PLCB1: variants seen among roughly 807,000 people sequenced by gnomAD.
PLCB1 encodes the protein phospholipase C beta 1, also known as 1-phosphatidylinositol 4,5-bisphosphate phosphodiesterase beta-1.
In PLCB1, 46 loss-of-function variants were observed where a neutral mutation model predicts 161.8. The observed-to-expected ratio is 0.28, with a 90% CI of 0.22 to 0.36. The LOEUF (loss-of-function observed/expected upper bound fraction) is 0.36, where lower values mean the gene tolerates loss of function less well. Among genes scored for constraint, PLCB1 ranks in the 10% least tolerant of loss-of-function variants. The pLI, the probability that PLCB1 is intolerant of heterozygous loss-of-function variation, is 1.00. For missense variants in PLCB1, 1,016 were observed against 1,472.5 expected (o/e 0.69, Z 5.07); for synonymous variants, 517 against 503.7 (o/e 1.03, Z -0.35).
At chr20:8,339,968 AAAAT>A (rs771513527) in intron 2 of PLCB1, among the ~76,000 whole-genome samples, 12 of 152,306 alleles carry the variant, frequency 7.9e-5, no homozygotes, top group Non-Finnish European at 1.5e-4. Context: ...TCTCTTCACA[AAAAT>A]AAATAAACAA....
At chr20:8,206,559 C>A (rs1978542764) in intron 2 of PLCB1, among the ~76,000 whole-genome samples, 1 of 152,064 alleles carries the variant, frequency 6.6e-6, no homozygotes, top group Non-Finnish European at 1.5e-5. Context: ...CATTTTTGGA[C>A]CTGCATCTAG....
At chr20:8,406,621 T>C (rs1978797747) in intron 3 of PLCB1, among the ~76,000 whole-genome samples, 2 of 152,150 alleles carry the variant, frequency 1.3e-5, no homozygotes, top group African/African-American at 4.8e-5. Context: ...CAGCAAAAGG[T>C]CATTCCATCT....
intron 2 of PLCB1, among the ~76,000 whole-genome samples, chr20:8,349,143 CAGT>C (rs959518505): frequency 2.0e-5 from 3 of 151,976 alleles, no homozygotes; most frequent in African/African-American, 7.3e-5. Flanking sequence ...TCAATAGAAT[CAGT>C]GGTGCACAGA....
chr20:8,530,356 G>A (rs1984756083), intron 3 of PLCB1, among the ~76,000 whole-genome samples: 1 of 151,950 alleles, frequency 6.6e-6, no homozygotes, highest in Non-Finnish European at 1.5e-5. Context: ...TTCTTCTTAA[G>A]TCTTAACTAC....
At chr20:8,382,518 C>T (rs1987290259) in intron 3 of PLCB1, among the ~76,000 whole-genome samples, 2 of 148,948 alleles carry the variant, frequency 1.3e-5, no homozygotes, top group Non-Finnish European at 3.0e-5. Flanking sequence ...CTCCTGACCT[C>T]GTAATCCACC....
chr20:8,164,631 C>T (rs1260072097), intron 2 of PLCB1, among the ~76,000 whole-genome samples: 1 of 152,146 alleles, frequency 6.6e-6, no homozygotes, highest in African/African-American at 2.4e-5. Flanking sequence ...CTTCCTTGAA[C>T]TTGTGGGGAA....
chr20:8,147,877 T>TA (rs2051470226), intron 1 of PLCB1, among the ~76,000 whole-genome samples: 1 of 149,802 alleles, frequency 6.7e-6, no homozygotes, highest in East Asian at 1.9e-4. Context: ...GAAAAGTTTT[T>TA]TTTTTTTTTT....
At chr20:8,601,837 C>G (rs189616810) in intron 3 of PLCB1, among the ~76,000 whole-genome samples, 1 of 152,370 alleles carries the variant, frequency 6.6e-6, no homozygotes, top group Admixed American at 6.5e-5. Flanking sequence ...GAAAATTTGT[C>G]TAAACCTGCT....
chr20:8,486,520 G>T (rs529247309), intron 3 of PLCB1, among the ~76,000 whole-genome samples: 2 of 110,600 alleles, frequency 1.8e-5, no homozygotes, highest in African/African-American at 7.5e-5. Context: ...ACGGAGTCTC[G>T]CTCTGTCGCC....
At chr20:8,624,313 T>C (rs1056431132) in intron 3 of PLCB1, among the ~76,000 whole-genome samples, 8 of 152,200 alleles carry the variant, frequency 5.3e-5, no homozygotes, top group Non-Finnish European at 8.8e-5. Flanking sequence ...ACACAAATCA[T>C]TGGATAAGCC....
intron 3 of PLCB1, among the ~76,000 whole-genome samples, chr20:8,446,680 G>C (rs1310114193): frequency 2.0e-5 from 3 of 152,114 alleles, no homozygotes; most frequent in African/African-American, 7.2e-5. Context: ...ACCAATACCT[G>C]ATTTTTAAGC....
intron 10 of PLCB1, among the ~76,000 whole-genome samples, chr20:8,688,901 T>A (rs933704275): frequency 6.6e-6 from 1 of 152,212 alleles, no homozygotes; most frequent in Non-Finnish European, 1.5e-5. Context: ...GGTATTTTGA[T>A]GGAGATTGCA....
At chr20:8,320,798 G>A (rs1377464643) in intron 2 of PLCB1, among the ~76,000 whole-genome samples, 1 of 125,468 alleles carries the variant, frequency 8.0e-6, no homozygotes, top group African/African-American at 2.9e-5. Context: ...CAGAAAGAAA[G>A]AAGAAAGAAA....
intron 31 of PLCB1, chr20:8,802,100 T>C (rs1411304574): frequency 1.2e-6 from 2 of 1,612,896 alleles, no homozygotes; most frequent in African/African-American, 2.7e-5. Context: ...GCCATGAGGA[T>C]CCCTCTGTTT....
rs549938985 is a variant in PLCB1 at position 8,575,112 on chromosome 20, T to G, written c.247-53182T>G. The stretch of plus-strand genomic sequence containing the variant: ...GGCTTATAAGGACATGGAGGCTCAG[T>G]GATACTTAGTGACTTGCTCAAGGGT... On this transcript the variant is annotated intron_variant, in intron 3 of 31. Coordinates refer to ENST00000338037, the MANE Select transcript of PLCB1 (RefSeq NM_015192.4). Among the ~76,000 whole-genome samples the G allele has an allele frequency of 3.9e-5, 6 of 152,358 alleles. No homozygotes were observed. The East Asian group carries it at 1.2e-3, about 29-fold the overall frequency.
chr20:8,750,558 G>A (rs1050328736), intron 23 of PLCB1, among the ~76,000 whole-genome samples: 2 of 152,154 alleles, frequency 1.3e-5, no homozygotes, highest in African/African-American at 2.4e-5. Flanking sequence ...TCAATAGGAT[G>A]CATTTTAAAG....
At chr20:8,661,431 C>T (rs1989618651) in intron 9 of PLCB1, among the ~76,000 whole-genome samples, 1 of 152,120 alleles carries the variant, frequency 6.6e-6, no homozygotes, top group African/African-American at 2.4e-5. Flanking sequence ...GGGCCAGCCA[C>T]CTGCTACCGT....
rs1983659812 is a variant in PLCB1 at position 8,789,692 on chromosome 20, C to A, written c.3336+117C>A. ...TGCCATAACTTTTTATCACTAGCAC[C>A]TAGCAGAGCTGTTTCACAGGGTGGG... On this transcript the variant is annotated intron_variant, in intron 30 of 31. Transcript: ENST00000338037. 4 of 755,538 alleles carry A rather than the reference C, an allele frequency of 5.3e-6. No individual in the cohort carries two copies. The Admixed American group carries it at 7.9e-5, about 15-fold the overall frequency. The allele number at this position is 755,538 out of a possible 1,614,324, so 46.8% of individuals were successfully genotyped here.
chr20:8,531,364 T>C (rs1163175221), intron 3 of PLCB1, among the ~76,000 whole-genome samples: 1 of 152,136 alleles, frequency 6.6e-6, no homozygotes, highest in Non-Finnish European at 1.5e-5. Context: ...GTTTTGATTC[T>C]AGTCCAAACC....
Sources: gnomAD v4.1 joint callset for allele counts (sites outside exome capture counted in the v4.1 genomes callset) on GRCh38, gnomAD v4.1.1 for gene constraint, MANE v1.5 for transcripts, NCBI Gene and HGNC (gene_info 2026-07-23, HGNC 2026-07-21) for gene names.